The following FRY variants were observed in gnomAD, a reference collection of about 807,000 sequenced individuals.
The protein encoded by FRY is protein furry homolog.
Under a neutral mutation model 348.4 loss-of-function variants are expected in FRY, and 128 were observed. That is an observed-to-expected ratio of 0.37 (90% CI 0.32 to 0.43). The LOEUF is 0.43. Ranked by LOEUF, FRY falls within the 20% of genes least tolerant of loss-of-function variation. FRY has a pLI of 1.00. For missense variants in FRY, 2,736 were observed against 3,695.2 expected (o/e 0.74, Z 6.73); for synonymous variants, 1,370 against 1,374.7 (o/e 1.00, Z 0.08).
At chr13:32,267,079 T>C in intron 54 of FRY, 91 bp from the exon 55 acceptor site, 1 of 1,183,294 alleles carries the variant, frequency 8.5e-7, no homozygotes, top group Non-Finnish European at 1.3e-6. Context: ...AGCTACCTCA[T>C]TTTGCTGACT....
At chr13:32,127,727 C>T (rs897445980) in intron 7 of FRY, among the ~76,000 whole-genome samples, 7 of 151,672 alleles carry the variant, frequency 4.6e-5, no homozygotes, top group Non-Finnish European at 7.4e-5. Context: ...TGTAGTGAGC[C>T]GAGATCGTGC....
At chr13:32,142,373 G>A (rs1165489489) in intron 11 of FRY, among the ~76,000 whole-genome samples, 1 of 152,194 alleles carries the variant, frequency 6.6e-6, no homozygotes, top group Non-Finnish European at 1.5e-5. Context: ...ATTAAAATGA[G>A]TTAATATAAG....
rs1420119745 is a variant in FRY at position 32,187,617 on chromosome 13, T to C, written c.3552T>C (p.Tyr1184=). 6.2e-7 allele frequency: 1 copy of C among 1,611,496 alleles called. No individual in the cohort carries two copies. Among genetic ancestry groups the C allele is most frequent in the African/African-American group, 1.3e-5 (1 of 74,998 alleles). ...GCCTTTCCCCAGATGGCTACCTATA[T>C]AAATGGCTTGACAACATTCTGGCTT... ...NVGLSPDGYL[Y]KWLDNILACQ... Residue 1184 remains tyrosine, a synonymous_variant, in exon 28 of 61, where the codon TAT becomes TAC. Coordinates refer to ENST00000542859, the MANE Select transcript of FRY (RefSeq NM_023037.3).
Position 32,185,139 on chromosome 13 carries a change from T to A in FRY, c.3310T>A (p.Cys1104Ser), listed in dbSNP as rs1310406578. 1 of 1,613,838 alleles carries A rather than the reference T, an allele frequency of 6.2e-7. No homozygotes were observed. Among genetic ancestry groups the A allele is most frequent in the Non-Finnish European group, 8.5e-7 (1 of 1,179,712 alleles). ...TGCAATGGTGGCCAACTTGATTCAGTGTGTTCCAGGTACGGTGATCCGTTA... is the reference window on the plus strand; with the variant it reads ...TGCAATGGTGGCCAACTTGATTCAGAGTGTTCCAGGTACGGTGATCCGTTA... The part of the protein sequence containing the change: ...FSAMVANLIQ[C>S]VPVHHRRFLF... The change falls in exon 26 of 61, where the codon TGT becomes AGT. Residue 1104 changes from cysteine (C) to serine (S), a missense_variant. By Grantham distance (112) the Cys-to-Ser change is moderately radical. This residue lies in a region of FRY where 449 missense variants were observed against 576.9 expected (regional missense o/e 0.78). Transcript: ENST00000542859.
chr13:32,165,039 G>A (rs1391714223), intron 17 of FRY, among the ~76,000 whole-genome samples: 2 of 151,998 alleles, frequency 1.3e-5, no homozygotes, highest in Non-Finnish European at 2.9e-5. Flanking sequence ...GCTATACAAT[G>A]CATTTCATAT....
intron 1 of FRY, among the ~76,000 whole-genome samples, chr13:32,063,478 G>T (rs1008455705): frequency 1.3e-5 from 2 of 152,280 alleles, no homozygotes; most frequent in Admixed American, 6.5e-5. Context: ...ACCACACTTT[G>T]CATTGTGACC....
chr13:32,209,474 C>A, intron 32 of FRY, 111 bp from the exon 33 acceptor site: 1 of 986,078 alleles, frequency 1.0e-6, no homozygotes, highest in Non-Finnish European at 1.6e-6. Context: ...TCATGTTTAC[C>A]CCTTCTTATG....
chr13:32,113,729 A>C (rs988495708), intron 3 of FRY, among the ~76,000 whole-genome samples: 12 of 152,368 alleles, frequency 7.9e-5, no homozygotes, highest in African/African-American at 2.9e-4. Context: ...CTTCCCGTAA[A>C]TGAAGGAGTT....
At chr13:32,141,653 TAGTC>T (rs1880079458) in intron 11 of FRY, among the ~76,000 whole-genome samples, 2 of 152,168 alleles carry the variant, frequency 1.3e-5, no homozygotes, top group Admixed American at 1.3e-4. Context: ...TTGGTGCAAA[TAGTC>T]AGCTGACGGA....
chr13:32,064,861 T>C (rs978471064), intron 1 of FRY, among the ~76,000 whole-genome samples: 2 of 152,244 alleles, frequency 1.3e-5, no homozygotes, highest in African/African-American at 4.8e-5. Flanking sequence ...ATCACACTCA[T>C]AGTCTTTTGA....
chr13:32,271,240 T>C (rs561059956), intron 55 of FRY, among the ~76,000 whole-genome samples: 1 of 152,326 alleles, frequency 6.6e-6, no homozygotes, highest in East Asian at 1.9e-4. Flanking sequence ...TGTGTTCAAA[T>C]CCCAGTTCTG....
intron 58 of FRY, chr13:32,288,010 G>A (rs1889161727): frequency 3.7e-6 from 1 of 273,734 alleles, no homozygotes. Flanking sequence ...ATTTTATTTG[G>A]TAGATTAAGA....
At chr13:32,123,160 C>T (rs2518793) in intron 4 of FRY, among the ~76,000 whole-genome samples, 64,564 of 151,746 alleles carry the variant, frequency 0.43, 14,734 homozygotes, top group South Asian at 0.55. Flanking sequence ...AAAATACCAC[C>T]GTCATTCTTC....
intron 29 of FRY, 144 bp from the exon 30 acceptor site, chr13:32,201,796 GA>G: frequency 3.1e-6 from 2 of 650,352 alleles, no homozygotes; most frequent in Non-Finnish European, 5.5e-6. Context: ...GCAAAAGAAG[GA>G]AGCAAAAAAT....
intron 17 of FRY, among the ~76,000 whole-genome samples, chr13:32,166,623 AGGAAGAACTGAGT>A (rs1055700183): frequency 4.5e-4 from 69 of 152,116 alleles, no homozygotes; most frequent in Admixed American, 4.5e-3. Context: ...AGTAAAAATG[AGGAAGAACTGAGT>A]GGAAGAGATG....
chr13:32,256,085 G>A (rs1887319750), intron 51 of FRY, among the ~76,000 whole-genome samples: 1 of 152,136 alleles, frequency 6.6e-6, no homozygotes, highest in African/African-American at 2.4e-5. Flanking sequence ...GAAAAATCTG[G>A]GATGCCCGTT....
chr13:32,254,215 G>A lies in FRY; in HGVS notation c.7246-9G>A. On this transcript the variant is annotated splice_polypyrimidine_tract_variant and intron_variant, in intron 50 of 60. Transcript: ENST00000542859. The stretch of plus-strand genomic sequence containing the variant: ...AACGGTTTCTCAGGAGAGGACTCTT[G>A]ATTCGCAGGTGATTTTTTCATCGTG... The A allele has an allele frequency of 6.2e-7, 1 of 1,613,842 alleles. No homozygotes were observed. Among genetic ancestry groups the A allele is most frequent in the Non-Finnish European group, 8.5e-7 (1 of 1,179,938 alleles).
At chr13:32,155,718 T>C in intron 15 of FRY, 56 bp downstream of exon 15, 1 of 1,217,920 alleles carries the variant, frequency 8.2e-7, no homozygotes, top group African/African-American at 1.5e-5. Context: ...AAATGACCAG[T>C]AGATATTTAT....
chr13:32,279,116 C>T (rs1160143649), intron 58 of FRY, among the ~76,000 whole-genome samples: 1 of 152,196 alleles, frequency 6.6e-6, no homozygotes, highest in African/African-American at 2.4e-5. Flanking sequence ...TCTTGTGGAG[C>T]TTCTGATCTT....
Sources: gnomAD v4.1 joint callset for allele counts (sites outside exome capture counted in the v4.1 genomes callset) on GRCh38, gnomAD v4.1.1 for gene constraint, gnomAD v4.1.1 regional missense constraint, MANE v1.5 for transcripts, NCBI Gene and HGNC (gene_info 2026-07-23, HGNC 2026-07-21) for gene names.